GALNT9: variants seen among roughly 807,000 people sequenced by gnomAD.
The protein encoded by GALNT9 is GalNAc transferase 9.
GALNT9 carries 47 observed loss-of-function variants against 63.1 expected under a neutral mutation model. The ratio of observed to expected loss-of-function variants is 0.75; its 90% CI spans 0.59 to 0.95. GALNT9 has a LOEUF of 0.95. GALNT9 is among the 40% of genes least tolerant of loss of function. The pLI, the probability that GALNT9 is intolerant of heterozygous loss-of-function variation, is 0.00. For missense variants in GALNT9, 829 were observed against 874.8 expected (o/e 0.95, Z 0.66); for synonymous variants, 396 against 365.7 (o/e 1.08, Z -0.94).
At chr12:132,227,744 T>C (rs1457198456) in intron 6 of GALNT9, among the ~76,000 whole-genome samples, 2 of 152,102 alleles carry the variant, frequency 1.3e-5, no homozygotes, top group Non-Finnish European at 2.9e-5. Context: ...TAGTGACAGA[T>C]GGGGAAACGG....
chr12:132,225,976 C>CACACCCCACACACAT (rs1462413566), intron 6 of GALNT9, among the ~76,000 whole-genome samples: 8 of 141,426 alleles, frequency 5.7e-5, no homozygotes, highest in African/African-American at 2.2e-4. Flanking sequence ...ACACACTGTA[C>CACACCCCACACACAT]ACACCCCACA....
chr12:132,258,451 C>T (rs1364189662), intron 4 of GALNT9, among the ~76,000 whole-genome samples: 1 of 150,914 alleles, frequency 6.6e-6, no homozygotes, highest in Non-Finnish European at 1.5e-5. Context: ...CAGAGTGGAA[C>T]CTGCATGAGT....
At chr12:132,256,754 G>A (rs1311318317) in intron 5 of GALNT9, among the ~76,000 whole-genome samples, 12 of 152,270 alleles carry the variant, frequency 7.9e-5, no homozygotes, top group African/African-American at 2.6e-4. Flanking sequence ...TGGCTGCACC[G>A]ATTCACAGTC....
chr12:132,305,537 TCACCC>T (rs1555244554), intron 1 of GALNT9, among the ~76,000 whole-genome samples: 27 of 143,622 alleles, frequency 1.9e-4, no homozygotes, highest in African/African-American at 4.8e-4. Context: ...GGGCACACCC[TCACCC>T]GGGCACACCC....
chr12:132,287,835 G>A lies in GALNT9; in HGVS notation c.239-1405C>T, dbSNP rs569353115. Among the ~76,000 whole-genome samples, 205 of 152,138 alleles carry A rather than the reference G, an allele frequency of 1.3e-3. 1 individual carries two copies. The highest frequency in any genetic ancestry group is 4.6e-3 in the African/African-American group (191 of 41,504). ...TTGGAGATGCTGTTCCCAGGGGGAC[G>A]GGAGTGAGAGGGGTGTCTCCCCACA... On this transcript the variant is annotated intron_variant, in intron 1 of 10. Transcript: ENST00000328957.
intron 2 of GALNT9, 48 bp from the exon 3 acceptor site, chr12:132,262,673 C>T: frequency 6.9e-7 from 1 of 1,454,274 alleles, no homozygotes; most frequent in Non-Finnish European, 9.2e-7. Context: ...GCATGAGGGA[C>T]CCCGGAAGCC....
At chr12:132,259,997 G>A (rs79071783) in intron 4 of GALNT9, among the ~76,000 whole-genome samples, 7 of 151,278 alleles carry the variant, frequency 4.6e-5, no homozygotes, top group Non-Finnish European at 8.8e-5. Flanking sequence ...GCCTGGGTGC[G>A]GGGAACACAC....
intron 4 of GALNT9, among the ~76,000 whole-genome samples, chr12:132,258,145 C>T (rs968944904): frequency 6.6e-6 from 1 of 152,188 alleles, no homozygotes; most frequent in Non-Finnish European, 1.5e-5. Context: ...TGACACCGGC[C>T]ACGTTGGCCC....
chr12:132,198,051 A>G (rs1875664310), intron 9 of GALNT9, 92 bp from the exon 10 acceptor site: 4 of 1,090,218 alleles, frequency 3.7e-6, no homozygotes, highest in Admixed American at 4.6e-5. Context: ...TTGAGCTGCA[A>G]ACGGGGCCCT....
intron 1 of GALNT9, among the ~76,000 whole-genome samples, chr12:132,323,362 C>T (rs1313556289): frequency 6.6e-6 from 1 of 152,214 alleles, no homozygotes; most frequent in Non-Finnish European, 1.5e-5. Flanking sequence ...GGCTGCCGAC[C>T]GGGCCTGCTC....
chr12:132,200,074 T>G (rs1402450539), intron 8 of GALNT9, among the ~76,000 whole-genome samples: 1 of 151,982 alleles, frequency 6.6e-6, no homozygotes, highest in African/African-American at 2.4e-5. Context: ...ACAGGGAGGC[T>G]GGGGGAGAGG....
chr12:132,261,197 T>G, intron 3 of GALNT9, 75 bp from the exon 4 acceptor site: 1 of 1,532,904 alleles, frequency 6.5e-7, no homozygotes, highest in East Asian at 2.5e-5. Flanking sequence ...AGGCTGGAAA[T>G]GCTGCGTGCC....
intron 5 of GALNT9, among the ~76,000 whole-genome samples, chr12:132,256,650 G>GA (rs1879128390): frequency 9.7e-6 from 1 of 103,474 alleles, no homozygotes; most frequent in Non-Finnish European, 2.0e-5. Flanking sequence ...GCTGGAGGGG[G>GA]ACACTGGAGG....
In GALNT9 at chr12:132,246,515, C is replaced by T. The variant is rs1307024790; in HGVS notation, c.1077+1395G>A. On this transcript the variant is annotated intron_variant, in intron 6 of 10. Coordinates refer to ENST00000328957, the MANE Select transcript of GALNT9 (RefSeq NM_001122636.2). The surrounding 1 kb of genome is among the most constrained non-coding windows in gnomAD (Gnocchi z 4.7). ...CACAAAAGCAGTGAATTCTGTTTCACGGTATTATTTTATTTTATTTTATCA... is the reference window on the plus strand; with the variant it reads ...CACAAAAGCAGTGAATTCTGTTTCATGGTATTATTTTATTTTATTTTATCA... Among the ~76,000 whole-genome samples the T allele has an allele frequency of 6.6e-6, 1 of 152,084 alleles. No homozygotes were observed. The highest frequency in any genetic ancestry group is 2.4e-5 in the African/African-American group (1 of 41,410).
At chr12:132,324,362 G>A (rs1370769851) in intron 1 of GALNT9, among the ~76,000 whole-genome samples, 1 of 152,194 alleles carries the variant, frequency 6.6e-6, no homozygotes, top group Non-Finnish European at 1.5e-5. Flanking sequence ...CGCGCGCTCC[G>A]ACGGCGCTGT....
chr12:132,318,174 G>A lies in GALNT9; in HGVS notation c.238+10792C>T, dbSNP rs552607233. On this transcript the variant is annotated intron_variant, in intron 1 of 10. Transcript: ENST00000328957. Reference sequence around the variant, plus strand: ...GGAGAACCACTTGACCCTGGGTGGTGGGGGTGAAACCCTGCCTCGAAAAAA... The same window carrying A: ...GGAGAACCACTTGACCCTGGGTGGTAGGGGTGAAACCCTGCCTCGAAAAAA... 1.0e-3 allele frequency among the ~76,000 whole-genome samples: 154 copies of A among 152,298 alleles called. 1 individual carries two copies. Among genetic ancestry groups the A allele is most frequent in the Non-Finnish European group, 1.6e-3 (110 of 68,036 alleles).
intron 2 of GALNT9, among the ~76,000 whole-genome samples, chr12:132,281,667 T>A (rs1341827478): frequency 2.0e-5 from 3 of 152,228 alleles, no homozygotes; most frequent in Non-Finnish European, 1.5e-5. Context: ...TGGCCACTTC[T>A]GCCAGACTTT....
intron 6 of GALNT9, among the ~76,000 whole-genome samples, chr12:132,215,336 C>G (rs370009273): frequency 3.9e-5 from 6 of 152,392 alleles, no homozygotes; most frequent in Admixed American, 6.5e-5. Flanking sequence ...ACACGAGACA[C>G]AGTCAGTTTC....
chr12:132,235,197 G>A (rs914673802), intron 6 of GALNT9, among the ~76,000 whole-genome samples: 4 of 151,642 alleles, frequency 2.6e-5, no homozygotes, highest in Non-Finnish European at 5.9e-5. Context: ...CCACACACTC[G>A]ATGGCGTGAG....
Sources: gnomAD v4.1 joint callset for allele counts (sites outside exome capture counted in the v4.1 genomes callset) on GRCh38, gnomAD v4.1.1 for gene constraint, Gnocchi (gnomAD v3.1) non-coding constraint, MANE v1.5 for transcripts, NCBI Gene and HGNC (gene_info 2026-07-23, HGNC 2026-07-21) for gene names.